Variants in DPRX observed in about 807,000 individuals in gnomAD.
The protein encoded by DPRX is divergent paired-related homeobox.
A neutral mutation model predicts 8.4 loss-of-function variants in DPRX; 11 were observed. That is an observed-to-expected ratio of 1.31 (90% CI 0.82 to 2.17). The LOEUF (loss-of-function observed/expected upper bound fraction) is 2.17, where lower values mean the gene tolerates loss of function less well. Ranked by LOEUF, DPRX falls within the 30% of genes most tolerant of loss-of-function variation. DPRX has a pLI of 0.00. For synonymous variants in DPRX, 72 were observed against 87.0 expected (o/e 0.83, Z 0.96); for missense variants, 211 against 236.7 (o/e 0.89, Z 0.71).
chr19:53,613,694 AG>A, the DPRX span, among the ~76,000 whole-genome samples: 1 of 151,502 alleles, frequency 6.6e-6, no homozygotes, highest in South Asian at 2.1e-4. Context: ...ACGCACTAGA[AG>A]GAAGGGAAGA....
At chr19:53,623,332 A>AATAAATAAAT in the DPRX span, among the ~76,000 whole-genome samples, 1 of 145,066 alleles carries the variant, frequency 6.9e-6, no homozygotes, top group Admixed American at 6.9e-5. Context: ...TAAATAAATA[A>AATAAATAAAT]ATAAATAAAT....
At chr19:53,613,225 TCTAAG>T in the DPRX span, among the ~76,000 whole-genome samples, 2 of 152,068 alleles carry the variant, frequency 1.3e-5, no homozygotes, top group Non-Finnish European at 2.9e-5. Context: ...CCTGCCACAG[TCTAAG>T]CTTTCAAAGC....
At chr19:53,625,748 C>T in the DPRX span, among the ~76,000 whole-genome samples, 1 of 151,988 alleles carries the variant, frequency 6.6e-6, no homozygotes, top group African/African-American at 2.4e-5. Flanking sequence ...AGTGATTCTC[C>T]TGCCTCAGCC....
chr19:53,603,909 C>A, the DPRX span, among the ~76,000 whole-genome samples: 1 of 151,860 alleles, frequency 6.6e-6, no homozygotes, highest in African/African-American at 2.4e-5. Flanking sequence ...CCACGCCCAG[C>A]TAATTTTTCT....
chr19:53,630,844 G>T (rs1405006746), upstream of DPRX, among the ~76,000 whole-genome samples: 1 of 151,432 alleles, frequency 6.6e-6, no homozygotes, highest in Admixed American at 6.6e-5. Context: ...AGGTGTTGCA[G>T]CTTTTTCTTT....
chr19:53,606,697 G>A, the DPRX span: 20 of 111,206 alleles, frequency 1.8e-4, no homozygotes, highest in African/African-American at 5.5e-4. This position sits in a 1 kb window ranked among gnomAD's most constrained non-coding sequence, Gnocchi z 4.8. Context: ...TATATGCACC[G>A]GGCGGTGAGG....
chr19:53,609,576 T>C, the DPRX span, among the ~76,000 whole-genome samples: 1 of 147,430 alleles, frequency 6.8e-6, no homozygotes, highest in East Asian at 2.1e-4. Flanking sequence ...TAAATCCACG[T>C]GTGTACCGGC....
the DPRX span, among the ~76,000 whole-genome samples, chr19:53,610,668 G>A: frequency 6.6e-6 from 1 of 152,204 alleles, no homozygotes; most frequent in African/African-American, 2.4e-5. Context: ...GCTGCCTGCA[G>A]CTCAGGATGG....
chr19:53,624,673 C>T, the DPRX span, among the ~76,000 whole-genome samples: 702 of 151,794 alleles, frequency 4.6e-3, 5 homozygotes, highest in African/African-American at 0.016. Context: ...CCTTGGCCTC[C>T]CAAAGTGCTG....
the DPRX span, among the ~76,000 whole-genome samples, chr19:53,619,734 G>T: frequency 6.7e-6 from 1 of 148,360 alleles, no homozygotes; most frequent in African/African-American, 2.5e-5. Context: ...AGACGCCTGT[G>T]GTCCTAGCTA....
At chr19:53,610,186 CATTT>C in the DPRX span, among the ~76,000 whole-genome samples, 85,336 of 141,342 alleles carry the variant, frequency 0.6, 25,947 homozygotes, top group Admixed American at 0.7. Context: ...GGTGTGGTGG[CATTT>C]ATGCCTGTAA....
the DPRX span, among the ~76,000 whole-genome samples, chr19:53,626,130 A>G: frequency 1.4e-4 from 20 of 148,140 alleles, no homozygotes; most frequent in Admixed American, 1.0e-3. Flanking sequence ...TACAGACGAG[A>G]CTTCACCATG....
chr19:53,630,159 G>T (rs1200384111), upstream of DPRX: 1 of 151,280 alleles, frequency 6.6e-6, no homozygotes, highest in Non-Finnish European at 1.5e-5. Flanking sequence ...GTTGCAGTGA[G>T]CCGGGATCAC....
At chr19:53,613,842 C>T in the DPRX span, among the ~76,000 whole-genome samples, 2 of 152,006 alleles carry the variant, frequency 1.3e-5, no homozygotes, top group African/African-American at 4.8e-5. Context: ...TCTCCAATGA[C>T]GAAGGAGATT....
the DPRX span, among the ~76,000 whole-genome samples, chr19:53,624,189 G>T: frequency 7.4e-6 from 1 of 135,570 alleles, no homozygotes; most frequent in Non-Finnish European, 1.5e-5. Flanking sequence ...CCAGGTTCAA[G>T]CAATCCTTCT....
exon 3 of DPRX, chr19:53,636,658 A>C: frequency 1.2e-6 from 2 of 1,614,078 alleles, no homozygotes; most frequent in Non-Finnish European, 1.7e-6. Context: ...TTCATCAAAA[A>C]CAAGAAACTC....
intron 2 of DPRX, among the ~76,000 whole-genome samples, chr19:53,634,919 C>T (rs1048974830): frequency 7.2e-5 from 11 of 152,192 alleles, no homozygotes; most frequent in African/African-American, 2.7e-4. Flanking sequence ...CATACCGTCT[C>T]TCTAGCAACT....
upstream of DPRX, among the ~76,000 whole-genome samples, chr19:53,630,918 C>G (rs1445210429): frequency 1.3e-5 from 2 of 151,810 alleles, no homozygotes; most frequent in Non-Finnish European, 2.9e-5. Flanking sequence ...GCGATCTCAG[C>G]TCACTGCAAC....
upstream of DPRX, among the ~76,000 whole-genome samples, chr19:53,630,524 G>C (rs1463950596): frequency 6.6e-6 from 1 of 152,002 alleles, no homozygotes; most frequent in Non-Finnish European, 1.5e-5. Flanking sequence ...TGCACTCCAG[G>C]CTGGGCCTAG....
Sources: gnomAD v4.1 joint callset for allele counts (sites outside exome capture counted in the v4.1 genomes callset) on GRCh38, gnomAD v4.1.1 for gene constraint, Gnocchi (gnomAD v3.1) non-coding constraint, MANE v1.5 for transcripts, NCBI Gene and HGNC (gene_info 2026-07-23, HGNC 2026-07-21) for gene names.